PCNX3: variants seen among roughly 807,000 people sequenced by gnomAD.
The protein encoded by PCNX3 is pecanex-like protein 3.
A neutral mutation model predicts 207.2 loss-of-function variants in PCNX3; 58 were observed. That is an observed-to-expected ratio of 0.28 (90% CI 0.23 to 0.35). The LOEUF (loss-of-function observed/expected upper bound fraction) is 0.35, where lower values mean the gene tolerates loss of function less well. PCNX3 is among the 10% of genes least tolerant of loss of function. PCNX3 has a pLI of 1.00. For missense variants in PCNX3, 2,410 were observed against 2,774.4 expected (o/e 0.87, Z 2.95); for synonymous variants, 1,337 against 1,183.5 (o/e 1.13, Z -2.66).
chr11:65,622,602 A>C (rs1419156106), intron 11 of PCNX3, among the ~76,000 whole-genome samples: 1 of 152,106 alleles, frequency 6.6e-6, no homozygotes, highest in Admixed American at 6.6e-5. Flanking sequence ...CCTGCTGAAA[A>C]AAACTTTTTT....
chr11:65,629,835 T>A (rs1225964047), intron 26 of PCNX3, 100 bp downstream of exon 26: 1 of 1,340,602 alleles, frequency 7.5e-7, no homozygotes, highest in Non-Finnish European at 1.0e-6. Flanking sequence ...TCCAGCTCTG[T>A]CCAGGCTGGC....
chr11:65,626,962 G>A lies in PCNX3; in HGVS notation c.3438G>A (p.Lys1146=), dbSNP rs1434205835. 5 of 1,572,676 alleles carry A rather than the reference G, an allele frequency of 3.2e-6. No individual in the cohort carries two copies. The Middle Eastern group carries it at 5.0e-4, about 157-fold the overall frequency. The change falls in exon 21 of 35, where the codon AAG becomes AAA. Residue 1146 remains lysine, a synonymous_variant. Coordinates refer to ENST00000355703, the MANE Select transcript of PCNX3 (RefSeq NM_032223.4). The stretch of plus-strand genomic sequence containing the variant: ...ATGCTGGCCTGCAGTGCGTAGAGAA[G>A]TACCTCATCTACCCCGCCGTGGTGC... ...KLYAGLQCVE[K]YLIYPAVVLN... is the part of the protein sequence containing the mutation.
chr11:65,627,547 C>G lies in PCNX3; in HGVS notation c.3667C>G (p.Leu1223Val). Residue 1223 changes from leucine to valine, a missense_variant, in exon 22 of 35, where the codon CTT becomes GTT. Coordinates refer to ENST00000355703, the MANE Select transcript of PCNX3 (RefSeq NM_032223.4). ...CCCGCGCCTCTCCCAGGGCTTTCTG[C>G]TTGACTACTTCCTCATGTCCCTGCT... ...DYPRLSQGFL[L>V]DYFLMSLLCS... 1 of 1,613,854 alleles carries G rather than the reference C, an allele frequency of 6.2e-7. No individual in the cohort carries two copies. Among genetic ancestry groups the G allele is most frequent in the Non-Finnish European group, 8.5e-7 (1 of 1,179,872 alleles).
At chr11:65,631,097 C>T (rs1855599783) in intron 27 of PCNX3, among the ~76,000 whole-genome samples, 1 of 152,208 alleles carries the variant, frequency 6.6e-6, no homozygotes, top group Non-Finnish European at 1.5e-5. Flanking sequence ...TGCAGAGGTT[C>T]CAGAATCTGA....
rs760153197 is a variant in PCNX3 at position 65,618,639 on chromosome 11, A to C, written c.1277A>C (p.Glu426Ala). The C allele has an allele frequency of 6.2e-7, 1 of 1,613,072 alleles. No individual in the cohort carries two copies. The highest frequency in any genetic ancestry group is 8.5e-7 in the Non-Finnish European group (1 of 1,179,836). The change falls in exon 6 of 35, where the codon GAG (glutamate) becomes GCG (alanine). Residue 426 changes from glutamate (E) to alanine (A), a missense_variant. Glu to Ala is a moderately radical substitution (Grantham distance 107). Coordinates refer to ENST00000355703, the MANE Select transcript of PCNX3 (RefSeq NM_032223.4). ...GGFFEDEDTS[E>A]GSELSPASSL... is the part of the protein sequence containing the mutation. Reference sequence around the variant, plus strand: ...TTCTTTGAGGATGAAGACACTAGTGAGGGCAGTGAACTGAGCCCGGCCTCC... The same window carrying C: ...TTCTTTGAGGATGAAGACACTAGTGCGGGCAGTGAACTGAGCCCGGCCTCC...
chr11:65,621,584 C>G (rs1590878184), intron 10 of PCNX3, among the ~76,000 whole-genome samples: 1 of 152,374 alleles, frequency 6.6e-6, no homozygotes, highest in African/African-American at 2.4e-5. Flanking sequence ...CTGCCCGCTT[C>G]TGGTTCATTT....
At chr11:65,634,760 G>T in intron 29 of PCNX3, 119 bp downstream of exon 29, 1 of 1,192,440 alleles carries the variant, frequency 8.4e-7, no homozygotes. Flanking sequence ...TCCTGTTGGG[G>T]TACCTCTTCT....
In PCNX3 at chr11:65,624,511, C is replaced by T; in HGVS notation, c.2757C>T (p.Leu919=). The change falls in exon 15 of 35, where the codon CTC becomes CTT. Residue 919 remains leucine, a synonymous_variant. Transcript: ENST00000355703. ...TCCCCTTCGTCTTCCTCCTGGGCCT[C>T]CTGCCCCAGGTCAACACCTGCCTCA... is the stretch of plus-strand genomic sequence containing the variant. ...LCFPFVFLLG[L]LPQVNTCLMY... 1 of 1,608,992 alleles carries T rather than the reference C, an allele frequency of 6.2e-7. No individual in the cohort carries two copies. Among genetic ancestry groups the T allele is most frequent in the Non-Finnish European group, 8.5e-7 (1 of 1,177,756 alleles).
chr11:65,628,756 C>T, intron 23 of PCNX3, 53 bp downstream of exon 23: 1 of 953,434 alleles, frequency 1.0e-6, no homozygotes. Flanking sequence ...TGGCCTGGGG[C>T]AGTGGGGGGT....
intron 22 of PCNX3, among the ~76,000 whole-genome samples, chr11:65,628,202 C>A (rs927088986): frequency 3.3e-5 from 5 of 152,220 alleles, no homozygotes; most frequent in Non-Finnish European, 5.9e-5. Context: ...GAGGGCAGGG[C>A]CTGTGGCTGT....
In PCNX3 at chr11:65,634,191, G is replaced by A. The variant is rs769566696; in HGVS notation, c.4536G>A (p.Thr1512=). 4.3e-6 allele frequency: 7 copies of A among 1,613,584 alleles called. No individual in the cohort carries two copies. The highest frequency in any genetic ancestry group is 2.7e-5 in the African/African-American group (2 of 75,084). ...LEVWLSHEGI[T]AALRPVRVPG... ...TGTGGCTCAGCCATGAGGGCATCAC[G>A]GCAGCCCTGAGGCCTGTGCGGGTGC... The change falls in exon 28 of 35, where the codon ACG becomes ACA. Residue 1512 remains threonine (T), a synonymous_variant. Transcript: ENST00000355703.
At chr11:65,629,299 G>C in intron 24 of PCNX3, 58 bp from the exon 25 acceptor site, 2 of 1,531,784 alleles carry the variant, frequency 1.3e-6, no homozygotes, top group Non-Finnish European at 8.9e-7. Flanking sequence ...AGCATGAGCA[G>C]GGTGCACCCT....
chr11:65,624,241 T>C lies in PCNX3; in HGVS notation c.2591T>C (p.Ile864Thr). ...IAYSRPVYFC[I>T]CCLLIWLLDA... ...TACAGCCGTCCTGTCTACTTCTGCA[T>C]CTGCTGTCTGCTCATCTGGCTGCTG... Residue 864 changes from isoleucine to threonine, a missense_variant, in exon 14 of 35, where the codon ATC becomes ACC. By Grantham distance (89) the Ile-to-Thr change is moderately conservative. Coordinates refer to ENST00000355703, the MANE Select transcript of PCNX3 (RefSeq NM_032223.4). The C allele has an allele frequency of 1.9e-6, 3 of 1,607,504 alleles. No individual in the cohort carries two copies. The highest frequency in any genetic ancestry group is 2.5e-6 in the Non-Finnish European group (3 of 1,177,200).
chr11:65,620,802 G>C (rs887991551), intron 9 of PCNX3, 29 bp from the exon 10 acceptor site: 1 of 1,588,946 alleles, frequency 6.3e-7, no homozygotes, highest in Non-Finnish European at 8.6e-7. Context: ...TCGCCCGTGG[G>C]GGGATCCTGA....
rs767860385 is a variant in PCNX3, at chr11:65,636,607, G to T, written c.5810G>T (p.Ser1937Ile). 2 of 1,585,904 alleles carry T rather than the reference G, an allele frequency of 1.3e-6. No homozygotes were observed. The highest frequency in any genetic ancestry group is 2.3e-5 in the East Asian group (1 of 43,752). The part of the protein sequence containing the change: ...LSSEGPSGKW[S>I]LGGRKGLGGS... ...TCTGAGGGCCCCAGTGGAAAGTGGA[G>T]CCTGGGGGGCCGGAAGGGGCTGGGA... Residue 1937 changes from serine (S) to isoleucine (I), a missense_variant, in exon 34 of 35, where the codon AGC becomes ATC. Transcript: ENST00000355703.
chr11:65,624,128 A>AGT, intron 13 of PCNX3, 67 bp from the exon 14 acceptor site: 3 of 1,567,636 alleles, frequency 1.9e-6, no homozygotes, highest in Non-Finnish European at 2.6e-6. Context: ...GGGGCCCTTG[A>AGT]GTGTGTGCAT....
Position 65,628,578 on chromosome 11 carries a change from C to T in PCNX3, c.3703-17C>T. ...GACCCTGCATGTCTTTTTTCTTCTC[C>T]CTGTTGGCCCTGCCAGCTGTGGGAC... On this transcript the variant is annotated splice_polypyrimidine_tract_variant and intron_variant, in intron 22 of 34. Coordinates refer to ENST00000355703, the MANE Select transcript of PCNX3 (RefSeq NM_032223.4). 2.5e-6 allele frequency: 4 copies of T among 1,610,928 alleles called. No homozygotes were observed. Among genetic ancestry groups the T allele is most frequent in the Non-Finnish European group, 3.4e-6 (4 of 1,178,722 alleles).
intron 27 of PCNX3, among the ~76,000 whole-genome samples, chr11:65,633,308 G>C (rs1354341494): frequency 6.6e-6 from 1 of 152,234 alleles, no homozygotes; most frequent in Non-Finnish European, 1.5e-5. Flanking sequence ...TTTAACAAGA[G>C]GTCCAGGAGC....
chr11:65,616,186 TG>T lies in PCNX3; in HGVS notation c.-121del. On this transcript the variant is annotated 5_prime_UTR_variant, in exon 1 of 35. Transcript: ENST00000355703. Reference sequence around the variant, plus strand: ...GCGCGGCCGAGCCCCCCTCCCCCGCTGGGGGAGGCCATGGCGTGAGCGTGAG... The same window carrying T: ...GCGCGGCCGAGCCCCCCTCCCCCGCTGGGGAGGCCATGGCGTGAGCGTGAG... 3.0e-6 allele frequency: 2 copies of T among 669,454 alleles called. No individual in the cohort carries two copies. Among genetic ancestry groups the T allele is most frequent in the Non-Finnish European group, 4.3e-6 (2 of 466,258 alleles). The allele number at this position is 669,454 out of a possible 1,614,324, so 41.5% of individuals were successfully genotyped here. A position where few individuals can be genotyped will look rare whatever the true frequency, so the allele number is the denominator to read the frequency against.
Sources: allele counts gnomAD v4.1 joint callset (sites outside exome capture counted in the v4.1 genomes callset), GRCh38; gene constraint gnomAD v4.1.1; transcripts MANE v1.5; gene names NCBI Gene and HGNC (gene_info 2026-07-23, HGNC 2026-07-21).